The following KRT25 variants were observed in gnomAD, a reference collection of about 807,000 sequenced individuals.
KRT25 encodes keratin 25.
KRT25 carries 37 observed loss-of-function variants against 47.6 expected under a neutral mutation model. The observed-to-expected ratio is 0.78, with a 90% CI of 0.60 to 1.02. The LOEUF is 1.02. Among genes scored for constraint, KRT25 ranks in the 50% least tolerant of loss-of-function variants. The probability of loss-of-function intolerance (pLI) is 0.00; values close to 1 mark genes in which losing one functional copy is unlikely to be tolerated. For missense variants in KRT25, 542 were observed against 550.3 expected (o/e 0.98, Z 0.15); for synonymous variants, 203 against 210.2 (o/e 0.97, Z 0.30).
At position 40,748,320 on chromosome 17, in the gene KRT25, G is replaced by T. The variant is rs758333485; in HGVS notation, c.1310C>A (p.Thr437Asn). The T allele has an allele frequency of 1.2e-5, 20 of 1,612,634 alleles. No individual in the cohort carries two copies. The highest frequency in any genetic ancestry group is 1.4e-5 in the Non-Finnish European group (17 of 1,179,406). Residue 437 changes from threonine (T) to asparagine (N), a missense_variant, in exon 8 of 8, where the codon ACC (threonine) becomes AAC (asparagine). Transcript: ENST00000312150. The stretch of plus-strand genomic sequence containing the variant: ...CTCTTCCAGGGAGTGGAGCCTGGTG[G>T]TAAGTATTTTGCTGCGTTGGTCTAC... ...EEVDQRSKIL[T>N]TRLHSLEEKS...
chr17:40,749,151 T>G, intron 7 of KRT25, 107 bp downstream of exon 7: 1 of 796,468 alleles, frequency 1.3e-6, no homozygotes, highest in Non-Finnish European at 2.1e-6. Context: ...CAAACCTCCG[T>G]GACACGTGTT....
At chr17:40,753,813 C>CA (rs757758848) in intron 3 of KRT25, 47 bp downstream of exon 3, 41 of 1,502,882 alleles carry the variant, frequency 2.7e-5, no homozygotes, top group Non-Finnish European at 3.3e-5. Context: ...CTGTCAGGTG[C>CA]ACAGTGTCTG....
chr17:40,751,218 C>T lies in KRT25; in HGVS notation c.778G>A (p.Glu260Lys), dbSNP rs2038043930. ...CTGCGGTTCTGCTCTGCAAGGGCTT[C>T]GTACTCAGCTCGCATGTTGTTCAGC... ...VLLNNMRAEY[E>K]ALAEQNRRDA... The change falls in exon 4 of 8, where the codon GAA becomes AAA. Residue 260 changes from glutamate (E) to lysine (K), a missense_variant. Physicochemically the swap from Glu to Lys is moderately conservative, Grantham distance 56. Transcript: ENST00000312150. The T allele has an allele frequency of 5.0e-6, 8 of 1,614,106 alleles. No individual in the cohort carries two copies. Among genetic ancestry groups the T allele is most frequent in the African/African-American group, 4.0e-5 (3 of 75,044 alleles).
At chr17:40,751,102 G>A in intron 4 of KRT25, 23 bp from the exon 5 acceptor site, 4 of 1,614,132 alleles carry the variant, frequency 2.5e-6, no homozygotes, top group Non-Finnish European at 3.4e-6. Flanking sequence ...AAGTGAAGGA[G>A]CAAATCTTAG....
chr17:40,754,775 A>G lies in KRT25; in HGVS notation c.429+68T>C, dbSNP rs368930084. ...GAATGATAAATGTTTTTAGAATTTA[A>G]TAAAGAAAGGAAAACAAAATTTAGA... On this transcript the variant is annotated intron_variant, in intron 1 of 7. Transcript: ENST00000312150. 8.9e-5 allele frequency: 120 copies of G among 1,347,692 alleles called. No homozygotes were observed. The East Asian group carries it at 2.5e-3, about 28-fold the overall frequency. The allele number at this position is 1,347,692 out of a possible 1,614,324, so 83.5% of individuals were successfully genotyped here. A position where few individuals can be genotyped will look rare whatever the true frequency, so the allele number is the denominator to read the frequency against.
chr17:40,748,544 G>GA, intron 7 of KRT25, among the ~76,000 whole-genome samples, 158 bp from the exon 8 acceptor site: 1 of 152,090 alleles, frequency 6.6e-6, no homozygotes, highest in East Asian at 1.9e-4. Flanking sequence ...TATTTGGTTA[G>GA]AAAAAACATG....
In KRT25 at chr17:40,748,281, T is replaced by C. The variant is rs952772043; in HGVS notation, c.1349A>G (p.Asn450Ser). The C allele has an allele frequency of 1.9e-6, 3 of 1,605,402 alleles. No homozygotes were observed. Among genetic ancestry groups the C allele is most frequent in the Non-Finnish European group, 2.6e-6 (3 of 1,174,268 alleles). The stretch of plus-strand genomic sequence containing the variant: ...CGTTCTCTGTTGCATCTCAAATTAA[T>C]TGCTTTGAGATTTCTCTTCCAGGGA... ...LHSLEEKSQS[N>S] Residue 450 changes from asparagine (N) to serine (S), a missense_variant, in exon 8 of 8, where the codon AAT becomes AGT. Physicochemically the swap from Asn to Ser is conservative, Grantham distance 46 (BLOSUM62 1). Coordinates refer to ENST00000312150, the MANE Select transcript of KRT25 (RefSeq NM_181534.4).
intron 3 of KRT25, among the ~76,000 whole-genome samples, chr17:40,753,561 G>A (rs1003857956): frequency 6.6e-6 from 1 of 151,508 alleles, no homozygotes; most frequent in Non-Finnish European, 1.5e-5. Flanking sequence ...CCGGGCGCCT[G>A]TAGTCCCAGC....
chr17:40,751,513 C>A (rs1296552893), intron 3 of KRT25, among the ~76,000 whole-genome samples, 187 bp from the exon 4 acceptor site: 2 of 152,176 alleles, frequency 1.3e-5, no homozygotes, highest in African/African-American at 4.8e-5. Context: ...AACTCACTAC[C>A]TTATGAAGTA....
intron 7 of KRT25, 30 bp downstream of exon 7, chr17:40,749,228 G>T (rs754057517): frequency 7.2e-6 from 11 of 1,532,276 alleles, no homozygotes; most frequent in Non-Finnish European, 9.9e-6. Flanking sequence ...TAAAAAATTA[G>T]CATTGCACAA....
At chr17:40,755,434 G>A (rs2144131985), upstream of KRT25, 7 of 648,222 alleles carry the variant, frequency 1.1e-5, no homozygotes, top group East Asian at 2.8e-5. Flanking sequence ...GTCTCAGCAA[G>A]TTGGCATAAT....
chr17:40,753,834 G>A, intron 3 of KRT25, 26 bp downstream of exon 3: 1 of 1,595,464 alleles, frequency 6.3e-7, no homozygotes, highest in South Asian at 1.1e-5. Flanking sequence ...CGGAGGGATA[G>A]CAAAATGTAG....
intron 1 of KRT25, 125 bp downstream of exon 1, chr17:40,754,718 C>CAAAAAAAAAAAAAAAAAAAAAA (rs33924883): frequency 1.8e-6 from 1 of 550,158 alleles, no homozygotes; most frequent in Non-Finnish European, 2.6e-6. Context: ...AACTCCTTCT[C>CAAAAAAAAAAAAAAAAAAAAAA]AAAAAAAAAA....
chr17:40,754,280 A>G, intron 2 of KRT25, 106 bp downstream of exon 2: 1 of 952,118 alleles, frequency 1.1e-6, no homozygotes, highest in Non-Finnish European at 1.7e-6. Flanking sequence ...CATCCTGTTT[A>G]TGTGAAATTC....
chr17:40,748,454 G>A (rs886840457), intron 7 of KRT25, 68 bp from the exon 8 acceptor site: 10 of 980,226 alleles, frequency 1.0e-5, no homozygotes, highest in African/African-American at 1.7e-5. Context: ...ATCATTTAAA[G>A]GAATAATAGG....
intron 3 of KRT25, 28 bp downstream of exon 3, chr17:40,753,832 T>C (rs1182292079): frequency 4.4e-6 from 7 of 1,591,074 alleles, no homozygotes; most frequent in Non-Finnish European, 4.3e-6. Context: ...TGCGGAGGGA[T>C]AGCAAAATGT....
chr17:40,750,662 A>G, intron 5 of KRT25, 65 bp from the exon 6 acceptor site: 2 of 1,597,034 alleles, frequency 1.3e-6, no homozygotes, highest in Non-Finnish European at 8.6e-7. Flanking sequence ...TCTTTGATAC[A>G]TGATTTTCTC....
chr17:40,751,891 T>TGC (rs1217928840), intron 3 of KRT25, among the ~76,000 whole-genome samples: 1 of 134,886 alleles, frequency 7.4e-6, no homozygotes, highest in African/African-American at 2.5e-5. Flanking sequence ...TGCGTGTGTG[T>TGC]GTGTGTGTGT....
rs767436975 is a variant in KRT25, at chr17:40,748,331, G to T, written c.1299C>A (p.Ser433Arg). ...KKVLEEVDQR[S>R]KILTTRLHSL... ...AGTGGAGCCTGGTGGTAAGTATTTT[G>T]CTGCGTTGGTCTACCTCCTCAAGAA... The change falls in exon 8 of 8, where the codon AGC becomes AGA. Residue 433 changes from serine to arginine, a missense_variant. By Grantham distance (110) the Ser-to-Arg change is moderately radical. Coordinates refer to ENST00000312150, the MANE Select transcript of KRT25 (RefSeq NM_181534.4). 14 of 1,612,826 alleles carry T rather than the reference G, an allele frequency of 8.7e-6. No individual in the cohort carries two copies. Among genetic ancestry groups the T allele is most frequent in the Non-Finnish European group, 1.2e-5 (14 of 1,179,494 alleles).
Sources: gnomAD v4.1 joint callset for allele counts (sites outside exome capture counted in the v4.1 genomes callset) on GRCh38, gnomAD v4.1.1 for gene constraint, MANE v1.5 for transcripts, NCBI Gene and HGNC (gene_info 2026-07-23, HGNC 2026-07-21) for gene names.